Variants in IL17RE observed in about 807,000 individuals in gnomAD.
IL17RE encodes interleukin-17 receptor E.
Under a neutral mutation model 70.7 loss-of-function variants are expected in IL17RE, and 47 were observed. The observed-to-expected ratio is 0.67, with a 90% CI of 0.53 to 0.85. The LOEUF is 0.85. Ranked by LOEUF, IL17RE falls within the 40% of genes least tolerant of loss-of-function variation. The pLI, the probability that IL17RE is intolerant of heterozygous loss-of-function variation, is 0.00. For missense variants in IL17RE, 850 were observed against 893.9 expected (o/e 0.95, Z 0.63); for synonymous variants, 372 against 381.2 (o/e 0.98, Z 0.28).
upstream of IL17RE, chr3:9,902,697 G>A: frequency 6.5e-7 from 1 of 1,536,114 alleles, no homozygotes; most frequent in Non-Finnish European, 8.7e-7. Context: ...TTTCAGGTGG[G>A]GGGCAGTAGG....
chr3:9,902,807 CG>C (rs1212134463), upstream of IL17RE: 36 of 1,568,652 alleles, frequency 2.3e-5, no homozygotes, highest in Non-Finnish European at 2.9e-5. Flanking sequence ...TCGGGCAGGG[CG>C]GGGCCAGGGC....
At chr3:9,908,099 A>G in intron 6 of IL17RE, 140 bp from the exon 7 acceptor site, 1 of 679,690 alleles carries the variant, frequency 1.5e-6, no homozygotes, top group South Asian at 1.7e-5. Flanking sequence ...CCTTTGAGAG[A>G]CTTATCAGGA....
upstream of IL17RE, chr3:9,902,496 G>A (rs781219401): frequency 1.2e-6 from 1 of 862,744 alleles, no homozygotes; most frequent in Non-Finnish European, 1.9e-6. Context: ...GTGCTTAAGA[G>A]CTCGGCTAAT....
At chr3:9,912,009 T>TA (rs1389758655) in intron 12 of IL17RE, among the ~76,000 whole-genome samples, 2 of 152,122 alleles carry the variant, frequency 1.3e-5, no homozygotes, top group Middle Eastern at 3.2e-3. Flanking sequence ...CGCAGACCAG[T>TA]AACTGTCTGT....
rs2083017276 is a variant in IL17RE, at chr3:9,915,444, C to T, written c.1641C>T (p.Arg547=). The T allele has an allele frequency of 7.4e-7, 1 of 1,351,958 alleles. No homozygotes were observed. 83.7% of individuals were successfully genotyped at this position (1,351,958 alleles called of 1,614,324 possible). The change falls in exon 16 of 16, where the codon CGC becomes CGT. Residue 547 remains arginine, a synonymous_variant. Transcript: ENST00000383814. The surrounding 1 kb of genome is among the most constrained non-coding windows in gnomAD (Gnocchi z 4.9). ...CGTGGCTCTGGGCGGCGCGGACGCGCGTAGCGCGGGAGCAGGGCACTGTGC... is the reference window on the plus strand; with the variant it reads ...CGTGGCTCTGGGCGGCGCGGACGCGTGTAGCGCGGGAGCAGGGCACTGTGC... The part of the protein sequence containing the change: ...PLPWLWAART[R]VAREQGTVLL...
In IL17RE at chr3:9,915,059, G is replaced by A. The variant is rs900614204; in HGVS notation, c.1448-192G>A. ...GAGCCCTGACCCTCTCTTCAGAAGG[G>A]GTGCCTTTATCTAATTAGCCCATAA... On this transcript the variant is annotated intron_variant, in intron 15 of 15. Coordinates refer to ENST00000383814, the MANE Select transcript of IL17RE (RefSeq NM_153480.2). This position sits in a 1 kb window ranked among gnomAD's most constrained non-coding sequence, Gnocchi z 4.9. Among the ~76,000 whole-genome samples, 1 of 152,004 alleles carries A rather than the reference G, an allele frequency of 6.6e-6. No homozygotes were observed. Among genetic ancestry groups the A allele is most frequent in the Non-Finnish European group, 1.5e-5 (1 of 67,990 alleles).
chr3:9,914,909 C>A, intron 15 of IL17RE, 132 bp downstream of exon 15: 2 of 777,134 alleles, frequency 2.6e-6, no homozygotes, highest in Non-Finnish European at 4.2e-6. Context: ...GCCTCAGGCC[C>A]CCAAGTGAGC....
In IL17RE at chr3:9,911,579, C is replaced by G. The variant is rs201832416; in HGVS notation, c.1209C>G (p.Pro403=). Residue 403 remains proline (P), a synonymous_variant, in exon 12 of 16, where the codon CCC becomes CCG. Coordinates refer to ENST00000383814, the MANE Select transcript of IL17RE (RefSeq NM_153480.2). ...PGLGQDTLVP[P]VYTVSQARGS... is the part of the protein sequence containing the mutation. ...TGGGGCAGGACACTTTGGTGCCCCC[C>G]GTGTACACTGTCAGCCAGGTATGGC... 2 of 1,613,200 alleles carry G rather than the reference C, an allele frequency of 1.2e-6. No homozygotes were observed. Among genetic ancestry groups the G allele is most frequent in the African/African-American group, 2.7e-5 (2 of 74,918 alleles).
chr3:9,912,368 C>T (rs1254832292), intron 12 of IL17RE, among the ~76,000 whole-genome samples: 1 of 152,154 alleles, frequency 6.6e-6, no homozygotes, highest in East Asian at 1.9e-4. Flanking sequence ...TTCCCTTGAA[C>T]CCAGCTGTCC....
chr3:9,907,571 G>A (rs942592544), intron 6 of IL17RE, among the ~76,000 whole-genome samples: 6 of 152,120 alleles, frequency 3.9e-5, no homozygotes, highest in African/African-American at 1.2e-4. Flanking sequence ...TCCTCAGTGT[G>A]ATTCAGGCAT....
chr3:9,906,659 G>C (rs1160011744), intron 4 of IL17RE, 47 bp from the exon 5 acceptor site: 1 of 1,605,914 alleles, frequency 6.2e-7, no homozygotes. Context: ...ACAGAAGCCA[G>C]GTTTCCTGAT....
chr3:9,915,954 G>A lies in IL17RE; in HGVS notation c.*147G>A. 4 of 1,306,276 alleles carry A rather than the reference G, an allele frequency of 3.1e-6. No individual in the cohort carries two copies. The highest frequency in any genetic ancestry group is 3.9e-6 in the Non-Finnish European group (4 of 1,023,060). 80.9% of individuals were successfully genotyped at this position (1,306,276 alleles called of 1,614,324 possible). A position where few individuals can be genotyped will look rare whatever the true frequency, so the allele number is the denominator to read the frequency against. On this transcript the variant is annotated 3_prime_UTR_variant, in exon 16 of 16. Transcript: ENST00000383814. The surrounding 1 kb of genome is among the most constrained non-coding windows in gnomAD (Gnocchi z 4.9). The stretch of plus-strand genomic sequence containing the variant: ...GCCGCATTCCCTGCCTCACAGGCCG[G>A]AAGTCCCAGCCCAGTCCCCGCGCGC...
At position 9,914,574 on chromosome 3, in the gene IL17RE, C is replaced by T. The variant is rs775921889; in HGVS notation, c.1323C>T (p.Ala441=). 47 of 1,613,858 alleles carry T rather than the reference C, an allele frequency of 2.9e-5. 1 individual carries two copies. In the East Asian group the frequency reaches 1.0e-3, roughly 35 times the overall value. ...VLVWRSDVQF[A]WKHLLCPDVS... ...TGTGGCGGTCAGATGTCCAGTTTGC[C>T]TGGAAGCACCTCTTGTGTCCGGATG... Residue 441 remains alanine (A), a synonymous_variant, in exon 14 of 16, where the codon GCC becomes GCT. Transcript: ENST00000383814.
At chr3:9,903,348 C>T (rs1039772763) in intron 1 of IL17RE, 49 bp from the exon 2 acceptor site, 16 of 1,607,520 alleles carry the variant, frequency 1.0e-5, no homozygotes, top group Non-Finnish European at 1.4e-5. Flanking sequence ...GGAGTCTCTC[C>T]TAATAATAGC....
At chr3:9,911,082 G>T (rs533424017) in intron 9 of IL17RE, 42 bp downstream of exon 9, 1 of 1,614,110 alleles carries the variant, frequency 6.2e-7, no homozygotes, top group South Asian at 1.1e-5. Context: ...GCAGGGCTGG[G>T]GCCCAGGAAT....
chr3:9,903,577 A>G (rs575037519), intron 2 of IL17RE, among the ~76,000 whole-genome samples, 165 bp downstream of exon 2: 38 of 152,332 alleles, frequency 2.5e-4, no homozygotes, highest in African/African-American at 8.9e-4. Context: ...CAGTTCTGCC[A>G]GACTCCCGTG....
chr3:9,911,348 C>T lies in IL17RE; in HGVS notation c.1072+48C>T, dbSNP rs752971045. ...CTGGGACCCCCTGCCCCATTTCATC[C>T]TCACCCAACTGTAACCAAGCTAAAC... On this transcript the variant is annotated intron_variant, in intron 11 of 15. Coordinates refer to ENST00000383814, the MANE Select transcript of IL17RE (RefSeq NM_153480.2). The T allele has an allele frequency of 1.4e-5, 23 of 1,613,308 alleles. No individual in the cohort carries two copies. The South Asian group carries it at 1.9e-4, about 13-fold the overall frequency.
At chr3:9,909,322 C>A in intron 8 of IL17RE, 39 bp downstream of exon 8, 2 of 1,540,772 alleles carry the variant, frequency 1.3e-6, no homozygotes, top group Non-Finnish European at 1.8e-6. Context: ...CACACACATC[C>A]CCTTTCTCTT....
rs147707054 is a variant in IL17RE at position 9,902,987 on chromosome 3, G to A, written c.55G>A (p.Asp19Asn). Reference protein sequence around the residue: ...LLLPLLLIVIDLSDSAGIGFR... With the variant: ...LLLPLLLIVINLSDSAGIGFR... ...CCTGCCTCTCCTCCTCATAGTCATC[G>A]ACCTCTCTGACTCTGCTGGGATTGG... The change falls in exon 1 of 16, where the codon GAC (aspartate) becomes AAC (asparagine). Residue 19 changes from aspartate (D) to asparagine (N), a missense_variant. Asp to Asn is a conservative substitution (Grantham distance 23, BLOSUM62 1). Coordinates refer to ENST00000383814, the MANE Select transcript of IL17RE (RefSeq NM_153480.2). The A allele has an allele frequency of 3.6e-5, 58 of 1,614,058 alleles. No homozygotes were observed. Among genetic ancestry groups the A allele is most frequent in the African/African-American group, 6.7e-5 (5 of 74,930 alleles).
Sources: gnomAD v4.1 joint callset for allele counts (sites outside exome capture counted in the v4.1 genomes callset) on GRCh38, gnomAD v4.1.1 for gene constraint, Gnocchi (gnomAD v3.1) non-coding constraint, MANE v1.5 for transcripts, NCBI Gene and HGNC (gene_info 2026-07-23, HGNC 2026-07-21) for gene names.